POU6F2: variants seen among roughly 807,000 people sequenced by gnomAD.
POU6F2 encodes POU class 6 homeobox 2.
POU6F2 carries 31 observed loss-of-function variants against 71.3 expected under a neutral mutation model. The observed-to-expected ratio is 0.43, with a 90% CI of 0.33 to 0.59. The LOEUF is 0.59. POU6F2 is among the 20% of genes least tolerant of loss of function. POU6F2 has a pLI of 0.04. For synonymous variants in POU6F2, 347 were observed against 355.7 expected (o/e 0.98, Z 0.27); for missense variants, 783 against 856.8 (o/e 0.91, Z 1.07).
intron 2 of POU6F2, among the ~76,000 whole-genome samples, chr7:39,184,366 G>A (rs916755504): frequency 6.6e-5 from 10 of 151,954 alleles, no homozygotes; most frequent in Non-Finnish European, 1.5e-4. Context: ...GCTCAACAAG[G>A]GCCAAATCAA....
chr7:39,322,196 A>G (rs1026253941), intron 4 of POU6F2, among the ~76,000 whole-genome samples: 26 of 152,186 alleles, frequency 1.7e-4, no homozygotes, highest in African/African-American at 6.0e-4. Flanking sequence ...GGGACAGAGC[A>G]TGCAATTGCA....
rs202064223 is a variant in POU6F2 at position 39,339,949 on chromosome 7, G to A, written c.906G>A (p.Pro302=). The A allele has an allele frequency of 3.2e-5, 52 of 1,613,728 alleles. No individual in the cohort carries two copies. Among genetic ancestry groups the A allele is most frequent in the East Asian group, 8.9e-5 (4 of 44,874 alleles). Residue 302 remains proline (P), a synonymous_variant, in exon 5 of 10, where the codon CCG becomes CCA. Coordinates refer to ENST00000518318, the MANE Select transcript of POU6F2 (RefSeq NM_001370959.1). The stretch of plus-strand genomic sequence containing the variant: ...CAACCCAGCAGAGCTCCAGCCCCCC[G>A]CAGAAACCTAGTCAGTCTCCAGGAC... ...PSPTQQSSSP[P]QKPSQSPGHG...
chr7:39,408,007 A>G (rs1787475993), intron 6 of POU6F2, among the ~76,000 whole-genome samples: 1 of 152,178 alleles, frequency 6.6e-6, no homozygotes, highest in South Asian at 2.1e-4. Context: ...CCTTGTTCCA[A>G]TCCCTTTTCA....
chr7:39,180,262 G>A (rs569107236), intron 2 of POU6F2, among the ~76,000 whole-genome samples: 129 of 152,314 alleles, frequency 8.5e-4, no homozygotes, highest in African/African-American at 2.9e-3. Context: ...GGTCTATTCC[G>A]AAGATTTAAT....
chr7:39,364,212 C>T (rs1052175698), intron 5 of POU6F2, among the ~76,000 whole-genome samples: 1 of 150,912 alleles, frequency 6.6e-6, no homozygotes, highest in African/African-American at 2.4e-5. Flanking sequence ...GTGAGTATTG[C>T]AGCAATGAAA....
chr7:39,170,645 G>T (rs1366275317), intron 2 of POU6F2, among the ~76,000 whole-genome samples: 1 of 151,902 alleles, frequency 6.6e-6, no homozygotes, highest in Non-Finnish European at 1.5e-5. Context: ...AGCAACTCTG[G>T]AACAAAAATC....
chr7:39,461,619 A>C (rs1788951556), intron 9 of POU6F2, among the ~76,000 whole-genome samples: 1 of 152,144 alleles, frequency 6.6e-6, no homozygotes, highest in South Asian at 2.1e-4. Flanking sequence ...GTATTCCCCA[A>C]AGGACGGAAG....
intron 2 of POU6F2, among the ~76,000 whole-genome samples, chr7:39,107,728 C>T (rs918160188): frequency 1.4e-4 from 21 of 152,084 alleles, no homozygotes; most frequent in African/African-American, 4.8e-4. Context: ...TCCTTATTGC[C>T]CTTGGGCCCT....
chr7:39,093,322 C>G (rs573619023), intron 2 of POU6F2, among the ~76,000 whole-genome samples: 2 of 152,048 alleles, frequency 1.3e-5, no homozygotes, highest in East Asian at 1.9e-4. Context: ...ATTTTCTATA[C>G]AAAAGACCAT....
chr7:39,270,165 C>T (rs981002219), intron 4 of POU6F2, among the ~76,000 whole-genome samples: 1 of 152,128 alleles, frequency 6.6e-6, no homozygotes, highest in African/African-American at 2.4e-5. Context: ...GCGGGGGAGA[C>T]CATTGACAAG....
At chr7:39,377,874 A>C (rs1044830450) in intron 5 of POU6F2, among the ~76,000 whole-genome samples, 6 of 152,224 alleles carry the variant, frequency 3.9e-5, no homozygotes, top group Non-Finnish European at 8.8e-5. Flanking sequence ...AATAACCTGC[A>C]TAAGAGCCAC....
chr7:39,259,631 G>A (rs1226504029), intron 4 of POU6F2, among the ~76,000 whole-genome samples: 1 of 152,122 alleles, frequency 6.6e-6, no homozygotes, highest in Non-Finnish European at 1.5e-5. Flanking sequence ...GGGAGCCTGG[G>A]CCTGTGCATT....
intron 1 of POU6F2, among the ~76,000 whole-genome samples, chr7:39,058,823 A>G (rs1209606590): frequency 6.6e-5 from 10 of 152,182 alleles, no homozygotes; most frequent in Non-Finnish European, 5.9e-5. Flanking sequence ...CAAAATCTAA[A>G]TTGTGGGTGA....
intron 1 of POU6F2, among the ~76,000 whole-genome samples, chr7:39,033,906 T>G (rs1160528443): frequency 6.6e-6 from 1 of 152,244 alleles, no homozygotes; most frequent in Non-Finnish European, 1.5e-5. Flanking sequence ...TCTTACTCTT[T>G]TCTTCCCTGT....
intron 2 of POU6F2, among the ~76,000 whole-genome samples, chr7:39,117,773 A>G (rs1163550315): frequency 2.0e-5 from 3 of 152,192 alleles, no homozygotes; most frequent in Admixed American, 6.5e-5. Flanking sequence ...CAGTCAGAGC[A>G]TGAAGATCTC....
intron 5 of POU6F2, among the ~76,000 whole-genome samples, chr7:39,353,188 T>C (rs1786174990): frequency 2.6e-5 from 4 of 152,238 alleles, no homozygotes; most frequent in Non-Finnish European, 5.9e-5. Context: ...CTGCTGATGA[T>C]GGGCTTTGGG....
intron 2 of POU6F2, among the ~76,000 whole-genome samples, chr7:39,086,555 A>AAT (rs1161193000): frequency 6.6e-6 from 1 of 152,162 alleles, no homozygotes; most frequent in Non-Finnish European, 1.5e-5. Context: ...TCACAATCAG[A>AAT]ATGAATATTT....
intron 4 of POU6F2, among the ~76,000 whole-genome samples, chr7:39,321,697 A>G (rs543397776): frequency 6.8e-4 from 103 of 152,288 alleles, no homozygotes; most frequent in African/African-American, 2.3e-3. Flanking sequence ...AGTTATGTTT[A>G]TAAGTTCAAT....
At position 39,424,827 on chromosome 7, in the gene POU6F2, A is replaced by C. The variant is rs576971817; in HGVS notation, c.1114-8250A>C. Among the ~76,000 whole-genome samples the C allele has an allele frequency of 5.0e-3, 759 of 152,130 alleles. 1 individual carries two copies. Among genetic ancestry groups the C allele is most frequent in the African/African-American group, 0.016 (645 of 41,524 alleles). On this transcript the variant is annotated intron_variant, in intron 6 of 9. Coordinates refer to ENST00000518318, the MANE Select transcript of POU6F2 (RefSeq NM_001370959.1). ...TTGAGGAAAAACAAGCACACACAAA[A>C]AAAAAAAACACAACACCTGCCTCCA... is the stretch of plus-strand genomic sequence containing the variant.
Sources: gnomAD v4.1 joint callset for allele counts (sites outside exome capture counted in the v4.1 genomes callset) on GRCh38, gnomAD v4.1.1 for gene constraint, MANE v1.5 for transcripts, NCBI Gene and HGNC (gene_info 2026-07-23, HGNC 2026-07-21) for gene names.